QPCT: variants seen among roughly 807,000 people sequenced by gnomAD.
QPCT encodes EC.
A neutral mutation model predicts 43.4 loss-of-function variants in QPCT; 44 were observed. That is an observed-to-expected ratio of 1.01 (90% CI 0.80 to 1.30). The LOEUF (loss-of-function observed/expected upper bound fraction) is 1.30, where lower values mean the gene tolerates loss of function less well. Among genes scored for constraint, QPCT ranks in the 50% most tolerant of loss-of-function variants. The probability of loss-of-function intolerance (pLI) is 0.00; values close to 1 mark genes in which losing one functional copy is unlikely to be tolerated. For missense variants in QPCT, 526 were observed against 436.5 expected (o/e 1.21, Z -1.83); for synonymous variants, 168 against 168.4 (o/e 1.00, Z 0.02).
chr2:37,349,377 A>G (rs1276671124), intron 1 of QPCT, among the ~76,000 whole-genome samples: 1 of 152,210 alleles, frequency 6.6e-6, no homozygotes, highest in Non-Finnish European at 1.5e-5. Context: ...CTATTTGCCA[A>G]TTAGGTTTCA....
chr2:37,361,392 C>A (rs911276937), intron 3 of QPCT, among the ~76,000 whole-genome samples: 1 of 152,198 alleles, frequency 6.6e-6, no homozygotes, highest in Non-Finnish European at 1.5e-5. Flanking sequence ...CATCCTTTGC[C>A]TGGTAACTTT....
chr2:37,368,825 T>A (rs1000465135), intron 4 of QPCT, among the ~76,000 whole-genome samples: 3 of 152,222 alleles, frequency 2.0e-5, no homozygotes, highest in Non-Finnish European at 4.4e-5. Context: ...TAAATAAATT[T>A]GTTGAATGAA....
At chr2:37,350,797 G>C (rs1164607963) in intron 1 of QPCT, among the ~76,000 whole-genome samples, 2 of 152,202 alleles carry the variant, frequency 1.3e-5, no homozygotes, top group African/African-American at 4.8e-5. Context: ...GTGTTTGATA[G>C]AAGGAAATAG....
Position 37,359,791 on chromosome 2 carries a change from C to G in QPCT, c.479C>G (p.Ser160Ter). The G allele has an allele frequency of 6.2e-7, 1 of 1,614,200 alleles. No homozygotes were observed. The highest frequency in any genetic ancestry group is 8.5e-7 in the Non-Finnish European group (1 of 1,180,002). Residue 160 changes from serine (S) to a stop codon, truncating the protein, a stop_gained, in exon 3 of 7, where the codon TCA (serine) becomes TGA (stop). Transcript: ENST00000338415. LOFTEE classifies it high-confidence loss of function. ...NNRVFVGATD[S>*]AVPCAMMLEL... is the part of the protein sequence containing the mutation. ...AGAGTGTTTGTAGGAGCCACTGATT[C>G]AGCCGTGCCATGTGCAATGATGTTG...
Position 37,367,018 on chromosome 2 carries a change from T to C in QPCT, c.547-214T>C, listed in dbSNP as rs1195713106. On this transcript the variant is annotated intron_variant, in intron 3 of 6. Coordinates refer to ENST00000338415, the MANE Select transcript of QPCT (RefSeq NM_012413.4). ...AAAAGACTTCTATTTTCAGAGGGAA[T>C]GGAAGAAGGTGGTTTATATGGGTGA... The C allele has an allele frequency of 1.9e-5, 10 of 513,308 alleles. No homozygotes were observed. In the East Asian group the frequency reaches 3.1e-4, roughly 16 times the overall value. 31.8% of individuals were successfully genotyped at this position (513,308 alleles called of 1,614,324 possible).
intron 5 of QPCT, 93 bp downstream of exon 5, chr2:37,369,877 C>T (rs377205202): frequency 1.9e-4 from 222 of 1,174,960 alleles, no homozygotes; most frequent in African/African-American, 1.8e-3. Context: ...TTTGGCTGGG[C>T]GCAGTGGCTC....
intron 1 of QPCT, among the ~76,000 whole-genome samples, chr2:37,346,229 AG>A (rs1672486862): frequency 6.6e-6 from 1 of 152,260 alleles, no homozygotes; most frequent in South Asian, 2.1e-4. Context: ...TGGAGACCAC[AG>A]GCCACAGGGA....
chr2:37,372,943 A>T lies in QPCT; in HGVS notation c.*116A>T. ...TGTGGAAACATCTATCCTATAGATC[A>T]TCCTATTCTTATGTGTCTTTGGTTA... On this transcript the variant is annotated 3_prime_UTR_variant, in exon 7 of 7. Coordinates refer to ENST00000338415, the MANE Select transcript of QPCT (RefSeq NM_012413.4). 3.5e-6 allele frequency: 3 copies of T among 866,428 alleles called. No individual in the cohort carries two copies. The highest frequency in any genetic ancestry group is 5.1e-6 in the Non-Finnish European group (3 of 589,892). The allele number at this position is 866,428 out of a possible 1,614,324, so 53.7% of individuals were successfully genotyped here.
At chr2:37,348,665 G>T (rs1672559769) in intron 1 of QPCT, among the ~76,000 whole-genome samples, 1 of 152,190 alleles carries the variant, frequency 6.6e-6, no homozygotes, top group African/African-American at 2.4e-5. Context: ...AAAACCACAT[G>T]ATTAGCCTAG....
At chr2:37,352,058 CAT>C (rs959623352) in intron 1 of QPCT, among the ~76,000 whole-genome samples, 1 of 149,094 alleles carries the variant, frequency 6.7e-6, no homozygotes, top group African/African-American at 2.5e-5. Context: ...ATGAAAGAAA[CAT>C]ATGTAATTTT....
chr2:37,345,061 C>A (rs1173148758), intron 1 of QPCT, among the ~76,000 whole-genome samples: 1 of 152,106 alleles, frequency 6.6e-6, no homozygotes, highest in East Asian at 1.9e-4. Flanking sequence ...GTTCTGGAGA[C>A]GCCAGGGGGG....
At chr2:37,360,375 T>G (rs971808699) in intron 3 of QPCT, among the ~76,000 whole-genome samples, 4 of 152,168 alleles carry the variant, frequency 2.6e-5, no homozygotes, top group Non-Finnish European at 4.4e-5. Flanking sequence ...GAATCTCAGC[T>G]CCATTTTATG....
chr2:37,354,885 C>G (rs1672708993), intron 2 of QPCT, among the ~76,000 whole-genome samples: 1 of 152,058 alleles, frequency 6.6e-6, no homozygotes, highest in Admixed American at 6.5e-5. Flanking sequence ...GATATGCATA[C>G]TTCAGGCCTG....
intron 2 of QPCT, among the ~76,000 whole-genome samples, chr2:37,357,112 C>A (rs933134638): frequency 6.6e-6 from 1 of 151,944 alleles, no homozygotes; most frequent in Admixed American, 6.6e-5. Context: ...ATGATCAAGA[C>A]CTAGTAACAA....
chr2:37,359,437 A>T, intron 2 of QPCT, 143 bp from the exon 3 acceptor site: 1 of 740,784 alleles, frequency 1.3e-6, no homozygotes, highest in Non-Finnish European at 2.2e-6. Context: ...AGCAATTATT[A>T]ATTGCAATAA....
rs1358585011 is a variant in QPCT, at chr2:37,352,776, A to C, written c.121-13A>C. ...AAAGGATAGCTAGTTAAATGATTTC[A>C]TTCAATCCTCAGAATTACCACCAGC... is the stretch of plus-strand genomic sequence containing the variant. On this transcript the variant is annotated splice_polypyrimidine_tract_variant and intron_variant, in intron 1 of 6. Transcript: ENST00000338415. 6.2e-6 allele frequency: 10 copies of C among 1,612,322 alleles called. No homozygotes were observed. The highest frequency in any genetic ancestry group is 4.0e-5 in the African/African-American group (3 of 74,904).
chr2:37,365,910 C>T (rs1439677709), intron 3 of QPCT, among the ~76,000 whole-genome samples: 1 of 152,208 alleles, frequency 6.6e-6, no homozygotes, highest in Non-Finnish European at 1.5e-5. Context: ...TGGTCATGAA[C>T]TTTAAGCAAG....
chr2:37,370,690 G>A (rs2124943477), intron 5 of QPCT, among the ~76,000 whole-genome samples: 1 of 152,306 alleles, frequency 6.6e-6, no homozygotes, highest in East Asian at 1.9e-4. Flanking sequence ...ATAAATGGGA[G>A]TTGACTAGGC....
chr2:37,349,611 G>A (rs540196344), intron 1 of QPCT, among the ~76,000 whole-genome samples: 40 of 152,312 alleles, frequency 2.6e-4, no homozygotes, highest in Non-Finnish European at 4.6e-4. Flanking sequence ...GGAGCCACTG[G>A]TAAACAGCTT....
Sources: allele counts gnomAD v4.1 joint callset (sites outside exome capture counted in the v4.1 genomes callset), GRCh38; gene constraint gnomAD v4.1.1; transcripts MANE v1.5; gene names NCBI Gene and HGNC (gene_info 2026-07-23, HGNC 2026-07-21).